Variants in CATSPERE observed in about 807,000 individuals in gnomAD.
CATSPERE encodes the protein cation channel sperm-associated auxiliary subunit epsilon.
A neutral mutation model predicts 114.1 loss-of-function variants in CATSPERE; 93 were observed. The ratio of observed to expected loss-of-function variants is 0.81; its 90% CI spans 0.69 to 0.97. CATSPERE has a LOEUF of 0.97. Ranked by LOEUF, CATSPERE falls within the 50% of genes least tolerant of loss-of-function variation. CATSPERE has a pLI of 0.00. For missense variants in CATSPERE, 1,058 were observed against 1,131.6 expected (o/e 0.93, Z 0.93); for synonymous variants, 341 against 384.1 (o/e 0.89, Z 1.31).
chr1:244,521,590 T>C (rs1677579877), intron 8 of CATSPERE, among the ~76,000 whole-genome samples: 1 of 152,128 alleles, frequency 6.6e-6, no homozygotes, highest in Non-Finnish European at 1.5e-5. Context: ...AAAAATAAAA[T>C]AAATTTTTTT....
chr1:244,467,061 AAT>A (rs941960097), intron 2 of CATSPERE, among the ~76,000 whole-genome samples: 29 of 152,326 alleles, frequency 1.9e-4, no homozygotes, highest in African/African-American at 6.7e-4. Context: ...CTGAGAATAC[AAT>A]ACACAACAGT....
At chr1:244,623,517 A>G (rs1672671903) in intron 20 of CATSPERE, among the ~76,000 whole-genome samples, 2 of 152,182 alleles carry the variant, frequency 1.3e-5, no homozygotes, top group Non-Finnish European at 2.9e-5. Context: ...AATCCCAAAC[A>G]TGTCACAGAA....
At chr1:244,603,001 T>C (rs988153049) in intron 17 of CATSPERE, among the ~76,000 whole-genome samples, 1 of 151,948 alleles carries the variant, frequency 6.6e-6, no homozygotes, top group African/African-American at 2.4e-5. Context: ...TGGGAAGGAA[T>C]AGGAGAGGCA....
At chr1:244,519,468 CTGTGTGG>C (rs1350563402) in intron 8 of CATSPERE, among the ~76,000 whole-genome samples, 1 of 152,168 alleles carries the variant, frequency 6.6e-6, no homozygotes, top group Non-Finnish European at 1.5e-5. Flanking sequence ...GGGGCCACTG[CTGTGTGG>C]AGTGTGCATG....
chr1:244,535,500 C>A (rs984852597), intron 8 of CATSPERE, among the ~76,000 whole-genome samples: 1 of 152,222 alleles, frequency 6.6e-6, no homozygotes, highest in African/African-American at 2.4e-5. Flanking sequence ...TCCTCTCTTT[C>A]CTTTTCACAG....
At chr1:244,461,568 T>C (rs1666794174) in intron 1 of CATSPERE, 74 bp downstream of exon 1, 1 of 1,190,966 alleles carries the variant, frequency 8.4e-7, no homozygotes, top group Non-Finnish European at 1.1e-6. Context: ...AGGGTCCTGC[T>C]CTCCACCCCA....
At position 244,560,805 on chromosome 1, in the gene CATSPERE, G is replaced by A; in HGVS notation, c.1167G>A (p.Leu389=). The change falls in exon 10 of 22, where the codon CTG becomes CTA. Residue 389 remains leucine (L), a synonymous_variant. Coordinates refer to ENST00000366534, the MANE Select transcript of CATSPERE (RefSeq NM_001130957.2). The stretch of plus-strand genomic sequence containing the variant: ...TAAGTCTATCGGTGACTGCTACTCT[G>A]ACCATAGACAGGGTTGAGTATACAG... ...NILSLSVTAT[L]TIDRVEYTGH... The A allele has an allele frequency of 1.2e-6, 2 of 1,614,028 alleles. No homozygotes were observed. The highest frequency in any genetic ancestry group is 1.7e-6 in the Non-Finnish European group (2 of 1,179,974).
At position 244,477,935 on chromosome 1, in the gene CATSPERE, C is replaced by T; in HGVS notation, c.218C>T (p.Ser73Leu). ...CCCACGACAGAATTGCGTTGTTCCT[C>T]ACCTGGTGTTCACGCTATAAAACCA... ...SSPTTELRCS[S>L]PGVHAIKPIV... The change falls in exon 4 of 22, where the codon TCA becomes TTA. Residue 73 changes from serine (S) to leucine (L), a missense_variant. Physicochemically the swap from Ser to Leu is moderately radical, Grantham distance 145. Around this residue, in one of 2 missense-constraint regions of CATSPERE, gnomAD observed 271 missense variants for 225.9 expected, o/e 1.20. Coordinates refer to ENST00000366534, the MANE Select transcript of CATSPERE (RefSeq NM_001130957.2). 1.2e-6 allele frequency: 2 copies of T among 1,610,086 alleles called. No individual in the cohort carries two copies. The highest frequency in any genetic ancestry group is 1.3e-5 in the African/African-American group (1 of 74,932).
chr1:244,497,231 T>A (rs367820398), intron 6 of CATSPERE, among the ~76,000 whole-genome samples: 1 of 152,216 alleles, frequency 6.6e-6, no homozygotes, highest in Non-Finnish European at 1.5e-5. Context: ...TGATAATTTT[T>A]ACTCCATAAA....
In CATSPERE at chr1:244,568,588, G is replaced by A. The variant is rs1297480655; in HGVS notation, c.1508-3742G>A. Among the ~76,000 whole-genome samples the A allele has an allele frequency of 3.9e-5, 6 of 152,210 alleles. No individual in the cohort carries two copies. The highest frequency in any genetic ancestry group is 9.6e-5 in the African/African-American group (4 of 41,458). On this transcript the variant is annotated intron_variant, in intron 10 of 21. Transcript: ENST00000366534. This position sits in a 1 kb window ranked among gnomAD's most constrained non-coding sequence, Gnocchi z 4.4. ...GCAGTCTGGCTATGGCAGCTGTGCCGAGCTGTGGTGGGCTCCGCCCAGTTA... is the reference window on the plus strand; with the variant it reads ...GCAGTCTGGCTATGGCAGCTGTGCCAAGCTGTGGTGGGCTCCGCCCAGTTA...
intron 19 of CATSPERE, among the ~76,000 whole-genome samples, chr1:244,615,931 T>C (rs542372466): frequency 3.7e-5 from 5 of 134,550 alleles, no homozygotes; most frequent in Admixed American, 8.1e-5. Context: ...CTGGGCGATA[T>C]AGTGAGACCC....
chr1:244,535,175 T>A (rs547378166), intron 8 of CATSPERE, among the ~76,000 whole-genome samples: 122 of 152,318 alleles, frequency 8.0e-4, no homozygotes, highest in South Asian at 1.2e-3. Context: ...ACAGCGCCCC[T>A]GTGGACACTG....
At position 244,608,039 on chromosome 1, in the gene CATSPERE, G is replaced by A. The variant is rs182569009; in HGVS notation, c.2404-2201G>A. On this transcript the variant is annotated intron_variant, in intron 18 of 21. Transcript: ENST00000366534. ...GGAGAATCGCTTGAACCCAGGAAGC[G>A]GAGGTTGCAGTGAGCTGAGATCGCG... Among the ~76,000 whole-genome samples the A allele has an allele frequency of 2.6e-3, 389 of 152,166 alleles. 5 individuals are homozygous for A. The highest frequency in any genetic ancestry group is 0.014 in the East Asian group (71 of 5,168).
rs1320019085 is a variant in CATSPERE, at chr1:244,518,779, AT to A, written c.536+82del. 5.8e-5 allele frequency: 42 copies of A among 727,532 alleles called. No individual in the cohort carries two copies. In the East Asian group the frequency reaches 1.1e-3, roughly 18 times the overall value. The allele number at this position is 727,532 out of a possible 1,614,324, so 45.1% of individuals were successfully genotyped here. On this transcript the variant is annotated intron_variant, in intron 8 of 21. Transcript: ENST00000366534. ...TAAAATCCTAGTGGAACTTAATGAA[AT>A]GTGTCTTATATGTTATTTTCAAGTG...
At chr1:244,634,470 G>C (rs1674364720) in intron 20 of CATSPERE, among the ~76,000 whole-genome samples, 1 of 152,270 alleles carries the variant, frequency 6.6e-6, no homozygotes, top group South Asian at 2.1e-4. Flanking sequence ...CCCACATGTA[G>C]GTAGGTGAAA....
chr1:244,522,771 C>G (rs1156375996), intron 8 of CATSPERE, among the ~76,000 whole-genome samples: 1 of 152,028 alleles, frequency 6.6e-6, no homozygotes, highest in African/African-American at 2.4e-5. Context: ...TACACTCTCC[C>G]AAGACTAAAC....
intron 18 of CATSPERE, among the ~76,000 whole-genome samples, chr1:244,608,410 C>T (rs569720790): frequency 1.3e-5 from 2 of 151,998 alleles, no homozygotes; most frequent in East Asian, 1.9e-4. Flanking sequence ...GTGATGCACA[C>T]CTGTAGTCCT....
intron 18 of CATSPERE, among the ~76,000 whole-genome samples, chr1:244,608,793 A>G (rs1293622491): frequency 1.3e-5 from 2 of 151,768 alleles, no homozygotes; most frequent in Admixed American, 1.3e-4. Flanking sequence ...ATTTCTCTGT[A>G]TCTCTATCTG....
At chr1:244,532,142 C>T (rs554808805) in intron 8 of CATSPERE, among the ~76,000 whole-genome samples, 2 of 152,158 alleles carry the variant, frequency 1.3e-5, no homozygotes, top group Admixed American at 6.5e-5. Context: ...CTCTAATGAT[C>T]CTTTGAATTT....
Sources: allele counts gnomAD v4.1 joint callset (sites outside exome capture counted in the v4.1 genomes callset), GRCh38; gene constraint gnomAD v4.1.1; regional missense constraint gnomAD v4.1.1; non-coding constraint Gnocchi (gnomAD v3.1); transcripts MANE v1.5; gene names NCBI Gene and HGNC (gene_info 2026-07-23, HGNC 2026-07-21).